The following FBXL13 variants were observed in gnomAD, a reference collection of about 807,000 sequenced individuals.
FBXL13 encodes F-box and leucine-rich repeat protein 13.
FBXL13 carries 67 observed loss-of-function variants against 83.6 expected under a neutral mutation model. The ratio of observed to expected loss-of-function variants is 0.80; its 90% CI spans 0.66 to 0.98. The LOEUF is 0.98. FBXL13 is among the 50% of genes least tolerant of loss of function. The pLI, the probability that FBXL13 is intolerant of heterozygous loss-of-function variation, is 0.00. For synonymous variants in FBXL13, 272 were observed against 299.5 expected, an observed-to-expected ratio of 0.91 and a Z score of 0.95; for missense variants, 822 against 866.5, an observed-to-expected ratio of 0.95 and a Z score of 0.64.
chr7:102,924,643 T>TTC (rs1488759581), intron 10 of FBXL13, among the ~76,000 whole-genome samples: 3 of 145,126 alleles, frequency 2.1e-5, no homozygotes, highest in Non-Finnish European at 4.6e-5. Flanking sequence ...AAGCTTTTCT[T>TTC]TTTTTTTTTT....
intron 7 of FBXL13, among the ~76,000 whole-genome samples, chr7:102,965,673 T>C (rs1056269675): frequency 1.3e-5 from 2 of 152,214 alleles, no homozygotes; most frequent in South Asian, 2.1e-4. Context: ...ACCTGAAACA[T>C]GTTTGTGTTT....
At chr7:102,868,084 T>C (rs1420279216) in intron 16 of FBXL13, among the ~76,000 whole-genome samples, 1 of 152,182 alleles carries the variant, frequency 6.6e-6, no homozygotes, top group East Asian at 1.9e-4. Flanking sequence ...TCAACACATG[T>C]AGACATTGTG....
At chr7:102,911,834 G>A (rs1814736692) in intron 11 of FBXL13, among the ~76,000 whole-genome samples, 1 of 152,202 alleles carries the variant, frequency 6.6e-6, no homozygotes, top group African/African-American at 2.4e-5. Context: ...AGATGTTGAT[G>A]TTTAAAAAGC....
At chr7:102,983,163 ATAT>A (rs571928472) in intron 6 of FBXL13, among the ~76,000 whole-genome samples, 141 of 152,208 alleles carry the variant, frequency 9.3e-4, no homozygotes, top group African/African-American at 3.3e-3. Context: ...AGAAAAATCA[ATAT>A]TGTCTTGCTT....
chr7:103,021,896 TACA>T (rs777632399), intron 6 of FBXL13, among the ~76,000 whole-genome samples: 2 of 152,204 alleles, frequency 1.3e-5, no homozygotes, highest in African/African-American at 2.4e-5. Context: ...TGTAAACTAG[TACA>T]ACGATTGTGG....
intron 11 of FBXL13, among the ~76,000 whole-genome samples, chr7:102,906,787 G>T (rs1813817417): frequency 6.6e-6 from 1 of 152,090 alleles, no homozygotes; most frequent in African/African-American, 2.4e-5. Context: ...CTTTGTCCTT[G>T]ACCTTTGGGA....
intron 8 of FBXL13, chr7:102,944,591 T>C (rs1822126142): frequency 6.2e-7 from 1 of 1,605,820 alleles, no homozygotes. Flanking sequence ...AGCGTAATAA[T>C]TACTATAGTA....
At chr7:102,940,471 A>G (rs1821210807) in intron 8 of FBXL13, among the ~76,000 whole-genome samples, 1 of 151,994 alleles carries the variant, frequency 6.6e-6, no homozygotes. Flanking sequence ...CAGCCTCCCA[A>G]AGTGCTGGGA....
At chr7:102,850,099 TA>T (rs1284529467) in intron 17 of FBXL13, among the ~76,000 whole-genome samples, 2 of 152,184 alleles carry the variant, frequency 1.3e-5, no homozygotes, top group African/African-American at 4.8e-5. Context: ...TGTCAGTTTG[TA>T]AAAGATTAAA....
At chr7:102,913,993 A>G (rs1815296088) in intron 10 of FBXL13, among the ~76,000 whole-genome samples, 1 of 152,214 alleles carries the variant, frequency 6.6e-6, no homozygotes. Context: ...AGTTAGGATG[A>G]GCCTGTACTA....
intron 10 of FBXL13, among the ~76,000 whole-genome samples, chr7:102,918,165 T>C (rs1816282806): frequency 6.6e-6 from 1 of 152,184 alleles, no homozygotes. Flanking sequence ...CCAAGCATAT[T>C]TGAAACAATG....
chr7:102,849,991 CTGTTT>C lies in FBXL13; in HGVS notation c.1719+4781_1719+4785del, dbSNP rs530229688. 1.3e-3 allele frequency among the ~76,000 whole-genome samples: 191 copies of C among 151,216 alleles called. 2 individuals are homozygous for C. The highest frequency in any genetic ancestry group is 4.4e-3 in the African/African-American group (179 of 41,044). Reference sequence around the variant, plus strand: ...AACCTGCATGTTCTGCACATGTATCCTGTTTTGTTTTGTTTTTTTAGAAAAAAAAA... The same window carrying C: ...AACCTGCATGTTCTGCACATGTATCCTGTTTTGTTTTTTTAGAAAAAAAAA... On this transcript the variant is annotated intron_variant, in intron 17 of 19. Coordinates refer to ENST00000313221, the Ensembl canonical transcript of FBXL13.
At chr7:103,005,383 G>A (rs1790875236) in intron 6 of FBXL13, among the ~76,000 whole-genome samples, 1 of 152,122 alleles carries the variant, frequency 6.6e-6, no homozygotes, top group Non-Finnish European at 1.5e-5. Context: ...TTTTCTCAGT[G>A]AACAAGGACG....
In FBXL13 at chr7:102,934,094, C is replaced by T; in HGVS notation, c.725-2161G>A. The T allele has an allele frequency of 1.9e-6, 3 of 1,614,164 alleles. No individual in the cohort carries two copies. The stretch of plus-strand genomic sequence containing the variant: ...CCCGTGTGACGTGTACACATATCTC[C>T]ATGAGAAATACTTAGATTGTCAAGA... On this transcript the variant is annotated intron_variant, in intron 8 of 19. Transcript: ENST00000313221.
chr7:103,029,031 G>A (rs1054431640), intron 3 of FBXL13, among the ~76,000 whole-genome samples: 4 of 151,966 alleles, frequency 2.6e-5, no homozygotes, highest in Admixed American at 2.6e-4. Flanking sequence ...ACCTAATGAT[G>A]TCTTTTTTTA....
In FBXL13 at chr7:102,973,778, T is replaced by C. The variant is rs762071650; in HGVS notation, c.496-5661A>G. The C allele has an allele frequency of 2.2e-4, 170 of 762,356 alleles. 1 individual carries two copies. The African/African-American group carries it at 2.6e-3, about 12-fold the overall frequency. The allele number at this position is 762,356 out of a possible 1,614,324, so 47.2% of individuals were successfully genotyped here. The stretch of plus-strand genomic sequence containing the variant: ...TCACTGATCTCACCTACTGGTAAGT[T>C]TCCCGGGAGCCCGGTTAACAAGGAA... On this transcript the variant is annotated intron_variant, in intron 6 of 19. Coordinates refer to ENST00000313221, the Ensembl canonical transcript of FBXL13.
chr7:103,027,323 G>T, intron 5 of FBXL13, 126 bp downstream of exon 6: 1 of 618,192 alleles, frequency 1.6e-6, no homozygotes. Context: ...AAAAAAACAA[G>T]AATCCCATCA....
chr7:102,973,291 C>G, intron 6 of FBXL13: 1 of 500,460 alleles, frequency 2.0e-6, no homozygotes, highest in South Asian at 1.9e-5. Flanking sequence ...GGCACAAGGC[C>G]ACTTGTACCA....
exon 20 of FBXL13, chr7:102,813,380 T>C: frequency 6.2e-7 from 1 of 1,613,992 alleles, no homozygotes; most frequent in Non-Finnish European, 8.5e-7. Flanking sequence ...GTTGACTTTT[T>C]CACTGTTAAT....
Sources: allele counts gnomAD v4.1 joint callset (sites outside exome capture counted in the v4.1 genomes callset), GRCh38; gene constraint gnomAD v4.1.1; transcripts MANE v1.5; gene names NCBI Gene and HGNC (gene_info 2026-07-23, HGNC 2026-07-21).